METTL15: variants seen among roughly 807,000 people sequenced by gnomAD.
METTL15 encodes the protein methyltransferase 15, mitochondrial 12S rRNA N4-cytidine.
Under a neutral mutation model 38.3 loss-of-function variants are expected in METTL15, and 34 were observed. The observed-to-expected ratio is 0.89, with a 90% CI of 0.68 to 1.18. METTL15 has a LOEUF of 1.18. METTL15 is among the 50% of genes most tolerant of loss of function. The pLI, the probability that METTL15 is intolerant of heterozygous loss-of-function variation, is 0.00. For missense variants in METTL15, 438 were observed against 498.4 expected (o/e 0.88, Z 1.15); for synonymous variants, 162 against 170.9 (o/e 0.95, Z 0.41).
rs568463428 is a variant in METTL15, at chr11:28,210,596, G to A, written c.271-466G>A. On this transcript the variant is annotated intron_variant, in intron 3 of 6. Coordinates refer to ENST00000407364, the MANE Select transcript of METTL15 (RefSeq NM_001113528.2). ...TTTGTCCTGTGCTTATTTATTATTAGGGATGTTTATTCTCTCTCTCTGTCT... is the reference window on the plus strand; with the variant it reads ...TTTGTCCTGTGCTTATTTATTATTAAGGATGTTTATTCTCTCTCTCTGTCT... Among the ~76,000 whole-genome samples, 10 of 151,808 alleles carry A rather than the reference G, an allele frequency of 6.6e-5. 1 individual carries two copies. Among genetic ancestry groups the A allele is most frequent in the African/African-American group, 2.4e-4 (10 of 41,414 alleles).
rs111632963 is a variant in METTL15, at chr11:28,174,682, G to A, written c.271-36380G>A. Among the ~76,000 whole-genome samples, 11 of 151,800 alleles carry A rather than the reference G, an allele frequency of 7.2e-5. 1 individual carries two copies. Among genetic ancestry groups the A allele is most frequent in the African/African-American group, 2.7e-4 (11 of 41,446 alleles). ...ACAAAAAAAATTGCTGGGCGTGGTG[G>A]CAGGCGCCTGTAGTCCCAGCTACTC... is the stretch of plus-strand genomic sequence containing the variant. On this transcript the variant is annotated intron_variant, in intron 3 of 6. Transcript: ENST00000407364.
chr11:28,216,852 G>T (rs1044816578), intron 4 of METTL15, among the ~76,000 whole-genome samples: 2 of 150,984 alleles, frequency 1.3e-5, no homozygotes, highest in Non-Finnish European at 2.9e-5. Context: ...GAGAATGATG[G>T]TTTCCAGCCT....
At chr11:28,363,596 A>G (rs2133369766) in intron 5 of METTL15, among the ~76,000 whole-genome samples, 1 of 152,298 alleles carries the variant, frequency 6.6e-6, no homozygotes, top group East Asian at 1.9e-4. Context: ...GATCTTTGCC[A>G]GATGCATAGT....
At chr11:28,177,561 G>C (rs1273677606) in intron 3 of METTL15, among the ~76,000 whole-genome samples, 1 of 151,956 alleles carries the variant, frequency 6.6e-6, no homozygotes. Flanking sequence ...GATTAGGTAA[G>C]AAAAAGTGAT....
At chr11:28,200,956 T>G (rs980372748) in intron 3 of METTL15, among the ~76,000 whole-genome samples, 1 of 152,080 alleles carries the variant, frequency 6.6e-6, no homozygotes, top group Non-Finnish European at 1.5e-5. Flanking sequence ...ATAGGAGTGG[T>G]GAGAGGGCAT....
chr11:28,422,061 A>G (rs1449222535), intron 5 of METTL15, among the ~76,000 whole-genome samples: 1 of 152,106 alleles, frequency 6.6e-6, no homozygotes, highest in Non-Finnish European at 1.5e-5. Flanking sequence ...AATCTGGAAA[A>G]GAAATCAAGA....
chr11:28,329,524 C>A (rs996271461), intron 6 of METTL15, among the ~76,000 whole-genome samples: 3 of 152,086 alleles, frequency 2.0e-5, no homozygotes, highest in African/African-American at 7.2e-5. Flanking sequence ...TATATTAAAT[C>A]TTAGATCAGT....
At chr11:28,407,657 C>G (rs1222183092) in intron 5 of METTL15, among the ~76,000 whole-genome samples, 1 of 152,074 alleles carries the variant, frequency 6.6e-6, no homozygotes, top group Admixed American at 6.5e-5. Context: ...AAAGAAACAA[C>G]AGATGTTGGT....
At chr11:28,379,802 G>A (rs1366808684) in intron 5 of METTL15, among the ~76,000 whole-genome samples, 2 of 152,228 alleles carry the variant, frequency 1.3e-5, no homozygotes, top group East Asian at 1.9e-4. Flanking sequence ...CTTACTGAGC[G>A]TGGATTGTTG....
At position 28,306,725 on chromosome 11, in the gene METTL15, A is replaced by G. The variant is rs1303447423; in HGVS notation, c.778+9794A>G. On this transcript the variant is annotated intron_variant, in intron 6 of 6. Transcript: ENST00000407364. ...GTTTAAAATGTTCAAGTTATTTTAAAGAATGTCAAAGAGAGAGAATTCCCA... is the reference window on the plus strand; with the variant it reads ...GTTTAAAATGTTCAAGTTATTTTAAGGAATGTCAAAGAGAGAGAATTCCCA... Among the ~76,000 whole-genome samples, 3 of 152,066 alleles carry G rather than the reference A, an allele frequency of 2.0e-5. 1 individual carries two copies. Among genetic ancestry groups the G allele is most frequent in the African/African-American group, 7.2e-5 (3 of 41,456 alleles).
At chr11:28,444,220 T>C (rs1273162410) in intron 6 of METTL15, among the ~76,000 whole-genome samples, 1 of 152,150 alleles carries the variant, frequency 6.6e-6, no homozygotes, top group Non-Finnish European at 1.5e-5. Flanking sequence ...TAGCCAGGAA[T>C]TGCTTGGTTA....
chr11:28,118,957 G>A (rs1188931771), intron 3 of METTL15, among the ~76,000 whole-genome samples: 3 of 152,164 alleles, frequency 2.0e-5, no homozygotes, highest in Non-Finnish European at 4.4e-5. Flanking sequence ...TTGTTAGCTA[G>A]ATTAAAAAAG....
At chr11:28,300,895 A>G (rs1856889482) in intron 6 of METTL15, among the ~76,000 whole-genome samples, 1 of 152,186 alleles carries the variant, frequency 6.6e-6, no homozygotes, top group South Asian at 2.1e-4. Context: ...CATCTAATCT[A>G]GAACTAGATT....
intron 3 of METTL15, among the ~76,000 whole-genome samples, chr11:28,341,651 A>T: frequency 6.6e-6 from 1 of 152,328 alleles, no homozygotes; most frequent in South Asian, 2.1e-4. Flanking sequence ...CAAGAGTTAA[A>T]TAGGGTATGC....
At chr11:28,176,748 T>C (rs1050307144) in intron 3 of METTL15, among the ~76,000 whole-genome samples, 1 of 152,076 alleles carries the variant, frequency 6.6e-6, no homozygotes, top group Non-Finnish European at 1.5e-5. Context: ...GCAGTTGACC[T>C]TAGCTCTGTG....
intron 5 of METTL15, among the ~76,000 whole-genome samples, chr11:28,293,270 A>C (rs1471495982): frequency 6.6e-6 from 1 of 152,230 alleles, no homozygotes; most frequent in Non-Finnish European, 1.5e-5. Context: ...AGCTTTCTAC[A>C]TATGGCTAGC....
intron 5 of METTL15, among the ~76,000 whole-genome samples, chr11:28,369,124 A>C (rs1450882626): frequency 6.6e-6 from 1 of 152,096 alleles, no homozygotes; most frequent in African/African-American, 2.4e-5. Context: ...CACATTCTGC[A>C]CATGTACCCC....
At chr11:28,375,592 T>G (rs1455877189) in intron 5 of METTL15, among the ~76,000 whole-genome samples, 1 of 152,148 alleles carries the variant, frequency 6.6e-6, no homozygotes, top group Non-Finnish European at 1.5e-5. Flanking sequence ...AGTCTATCAA[T>G]TTTGTTGATC....
At chr11:28,523,413 T>G (rs2133514204) in intron 6 of METTL15, among the ~76,000 whole-genome samples, 1 of 152,330 alleles carries the variant, frequency 6.6e-6, no homozygotes, top group South Asian at 2.1e-4. Flanking sequence ...ATCATGACCT[T>G]TGAATCTATG....
Sources: gnomAD v4.1 joint callset for allele counts (sites outside exome capture counted in the v4.1 genomes callset) on GRCh38, gnomAD v4.1.1 for gene constraint, MANE v1.5 for transcripts, NCBI Gene and HGNC (gene_info 2026-07-23, HGNC 2026-07-21) for gene names.